The following GOSR1 variants were observed in gnomAD, a reference collection of about 807,000 sequenced individuals.
GOSR1 encodes the protein golgi SNAP receptor complex member 1, also known as 28 kDa Golgi SNARE protein.
Under a neutral mutation model 35.5 loss-of-function variants are expected in GOSR1, and 21 were observed. The ratio of observed to expected loss-of-function variants is 0.59; its 90% confidence interval spans 0.42 to 0.85. The LOEUF is 0.85. Ranked by LOEUF, GOSR1 falls within the 40% of genes least tolerant of loss-of-function variation. The probability of loss-of-function intolerance (pLI) is 0.00; values close to 1 mark genes in which losing one functional copy is unlikely to be tolerated. For missense variants in GOSR1, 285 were observed against 309.6 expected (o/e 0.92, Z 0.60); for synonymous variants, 94 against 106.6 (o/e 0.88, Z 0.73).
intron 7 of GOSR1, among the ~76,000 whole-genome samples, chr17:30,516,209 G>T (rs866027708): frequency 2.6e-4 from 39 of 152,098 alleles, no homozygotes; most frequent in African/African-American, 9.2e-4. Flanking sequence ...GGTGGCTCAC[G>T]CCTGTAATCC....
rs1968179091 is a variant in GOSR1, at chr17:30,526,171, A to C, written c.*3793A>C. 6.6e-6 allele frequency: 1 copy of C among 152,210 alleles called. No individual in the cohort carries two copies. The highest frequency in any genetic ancestry group is 2.4e-5 in the African/African-American group (1 of 41,450). 9.4% of individuals were successfully genotyped at this position (152,210 alleles called of 1,614,324 possible). On this transcript the variant is annotated 3_prime_UTR_variant, in exon 9 of 9. Transcript: ENST00000451249. ...CAGATTCAGAGGCTAACAGTTAGTT[A>C]CTTGTTAATGCTAGTCACAGCCAGG...
At chr17:30,504,986 G>A (rs1245754463) in intron 6 of GOSR1, among the ~76,000 whole-genome samples, 1 of 152,192 alleles carries the variant, frequency 6.6e-6, no homozygotes, top group Non-Finnish European at 1.5e-5. Context: ...TGTGTGAAGT[G>A]CTTGGCTTTG....
intron 4 of GOSR1, among the ~76,000 whole-genome samples, chr17:30,486,019 T>TA (rs753646179): frequency 0.049 from 3,716 of 76,032 alleles, 142 homozygotes; most frequent in African/African-American, 0.12. Flanking sequence ...AGACTCCATC[T>TA]AAAAAAAAAA....
At chr17:30,503,480 A>G (rs1967288227) in intron 6 of GOSR1, among the ~76,000 whole-genome samples, 1 of 152,360 alleles carries the variant, frequency 6.6e-6, no homozygotes, top group East Asian at 1.9e-4. Flanking sequence ...AAAAAGGACA[A>G]TTCCACTTGA....
intron 7 of GOSR1, among the ~76,000 whole-genome samples, chr17:30,511,870 A>C (rs1477464751): frequency 6.6e-6 from 1 of 152,174 alleles, no homozygotes; most frequent in Non-Finnish European, 1.5e-5. Context: ...CCTGTGCTAA[A>C]AGTACTTTGC....
Position 30,484,206 on chromosome 17 carries a change from C to T in GOSR1, c.147-8C>T. The T allele has an allele frequency of 6.6e-7, 1 of 1,513,816 alleles. No individual in the cohort carries two copies. Among genetic ancestry groups the T allele is most frequent in the South Asian group, 1.1e-5 (1 of 88,888 alleles). The allele number at this position is 1,513,816 out of a possible 1,614,324, so 93.8% of individuals were successfully genotyped here. Reference sequence around the variant, plus strand: ...TAATGGATCCTCTTTAACTGAACTTCTTTTTAGTTCTGATACAACACCCCT... The same window carrying T: ...TAATGGATCCTCTTTAACTGAACTTTTTTTTAGTTCTGATACAACACCCCT... On this transcript the variant is annotated splice_polypyrimidine_tract_variant and splice_region_variant and intron_variant, in intron 2 of 8. Transcript: ENST00000451249.
intron 6 of GOSR1, among the ~76,000 whole-genome samples, chr17:30,499,189 CG>C (rs765620775): frequency 9.9e-5 from 15 of 152,194 alleles, no homozygotes; most frequent in Admixed American, 3.9e-4. Flanking sequence ...CTTTCAATAG[CG>C]GAATAACTTC....
chr17:30,499,176 T>C (rs1190866506), intron 6 of GOSR1, among the ~76,000 whole-genome samples: 4 of 152,216 alleles, frequency 2.6e-5, no homozygotes, highest in Non-Finnish European at 5.9e-5. Context: ...CAGTAATTGA[T>C]TTCTTTCAAT....
intron 6 of GOSR1, among the ~76,000 whole-genome samples, chr17:30,493,391 G>GA (rs1170389814): frequency 6.6e-6 from 1 of 152,172 alleles, no homozygotes; most frequent in East Asian, 1.9e-4. Flanking sequence ...CGTAGAGACT[G>GA]AAAAGATGGG....
chr17:30,481,001 C>T (rs1302930147), intron 1 of GOSR1, 142 bp from the exon 2 acceptor site: 7 of 590,852 alleles, frequency 1.2e-5, no homozygotes, highest in South Asian at 1.8e-5. Context: ...CGTGCACCAC[C>T]GTGCCCAGCC....
intron 7 of GOSR1, among the ~76,000 whole-genome samples, chr17:30,518,022 C>G (rs1193002677): frequency 1.3e-5 from 2 of 152,136 alleles, no homozygotes; most frequent in East Asian, 3.8e-4. Context: ...GGCATCACAC[C>G]AGCTACAAGA....
Position 30,526,733 on chromosome 17 carries a change from G to T in GOSR1, c.*4355G>T, listed in dbSNP as rs2143985679. 1 of 152,546 alleles carries T rather than the reference G, an allele frequency of 6.6e-6. No individual in the cohort carries two copies. The allele number at this position is 152,546 out of a possible 1,614,324, so 9.4% of individuals were successfully genotyped here. On this transcript the variant is annotated 3_prime_UTR_variant, in exon 9 of 9. Transcript: ENST00000451249. ...TTTATTGTATTTGTACTTAATTTTT[G>T]TTCTCATCTAAATGTGCATTTTCTG...
intron 2 of GOSR1, among the ~76,000 whole-genome samples, chr17:30,483,536 C>A (rs1351700981): frequency 6.6e-6 from 1 of 152,154 alleles, no homozygotes; most frequent in Non-Finnish European, 1.5e-5. Context: ...TTATTTAATA[C>A]TTTTCATTTG....
intron 4 of GOSR1, among the ~76,000 whole-genome samples, chr17:30,487,913 C>G (rs1465458112): frequency 6.6e-6 from 1 of 151,982 alleles, no homozygotes; most frequent in Non-Finnish European, 1.5e-5. Flanking sequence ...GTAGCAGGAA[C>G]TACAGGTGTG....
chr17:30,498,408 C>T (rs982374446), intron 6 of GOSR1, among the ~76,000 whole-genome samples: 2 of 152,064 alleles, frequency 1.3e-5, no homozygotes, highest in African/African-American at 4.8e-5. Context: ...AAATGTGAAT[C>T]GGTAGTTCCA....
intron 4 of GOSR1, among the ~76,000 whole-genome samples, chr17:30,488,780 C>T (rs35973759): frequency 3.6e-3 from 553 of 152,038 alleles, no homozygotes; most frequent in African/African-American, 0.013. Flanking sequence ...TCTAGTGATC[C>T]GCCCACCTCA....
intron 6 of GOSR1, among the ~76,000 whole-genome samples, chr17:30,503,225 CAT>C (rs1390007026): frequency 2.6e-5 from 4 of 152,272 alleles, no homozygotes; most frequent in East Asian, 1.9e-4. Context: ...CTTGAAATCA[CAT>C]GTTTGCTCTT....
intron 6 of GOSR1, among the ~76,000 whole-genome samples, chr17:30,499,342 C>CCT (rs1967115237): frequency 7.5e-6 from 1 of 133,752 alleles, no homozygotes. Context: ...TCTCATTCCT[C>CCT]TTTTTTTTTT....
At chr17:30,497,823 C>A (rs1460528892) in intron 6 of GOSR1, among the ~76,000 whole-genome samples, 4 of 152,192 alleles carry the variant, frequency 2.6e-5, no homozygotes, top group African/African-American at 7.2e-5. Flanking sequence ...CTTTAGGAGG[C>A]CGAGGCAGGA....
Sources: allele counts gnomAD v4.1 joint callset (sites outside exome capture counted in the v4.1 genomes callset), GRCh38; gene constraint gnomAD v4.1.1; transcripts MANE v1.5; gene names NCBI Gene and HGNC (gene_info 2026-07-23, HGNC 2026-07-21).